CHD9: variants seen among roughly 807,000 people sequenced by gnomAD.
CHD9 encodes chromodomain helicase DNA binding protein 9, also known as ATP-dependent chromatin remodeler CHD9.
CHD9 carries 77 observed loss-of-function variants against 316.1 expected under a neutral mutation model. That is an observed-to-expected ratio of 0.24 (90% CI 0.20 to 0.29). The LOEUF is 0.29. Ranked by LOEUF, CHD9 falls within the 10% of genes least tolerant of loss-of-function variation. CHD9 has a pLI of 1.00. For missense variants in CHD9, 2,763 were observed against 3,438.1 expected (o/e 0.80, Z 4.91); for synonymous variants, 1,129 against 1,158.3 (o/e 0.97, Z 0.51).
intron 37 of CHD9, chr16:53,319,862 C>T: frequency 8.1e-7 from 1 of 1,240,456 alleles, no homozygotes; most frequent in Non-Finnish European, 1.0e-6. Flanking sequence ...TGCTAAATCC[C>T]CATAAACCCC....
At chr16:53,132,893 C>G (rs368064542) in intron 1 of CHD9, among the ~76,000 whole-genome samples, 1 of 146,744 alleles carries the variant, frequency 6.8e-6, no homozygotes, top group Non-Finnish European at 1.5e-5. Context: ...ACTGCAACCT[C>G]TTCCTCCCAG....
chr16:53,132,171 A>G (rs1339091204), intron 1 of CHD9, among the ~76,000 whole-genome samples: 2 of 151,808 alleles, frequency 1.3e-5, no homozygotes, highest in Middle Eastern at 6.3e-3. Flanking sequence ...AAAGTAGATG[A>G]GAATTTTGTT....
chr16:53,074,322 T>G (rs2034342163), intron 1 of CHD9, among the ~76,000 whole-genome samples: 1 of 152,188 alleles, frequency 6.6e-6, no homozygotes, highest in Non-Finnish European at 1.5e-5. Flanking sequence ...AGCATAAAAG[T>G]TCAGAAAATT....
At chr16:53,307,558 TGTATGCATAGCAC>T in intron 32 of CHD9, 110 bp from the exon 33 acceptor site, 1 of 767,542 alleles carries the variant, frequency 1.3e-6, no homozygotes, top group Non-Finnish European at 2.1e-6. Context: ...CACGAGAATA[TGTATGCATAGCAC>T]ATACACATAT....
chr16:53,081,078 CT>C (rs2034976496), intron 1 of CHD9, among the ~76,000 whole-genome samples: 1 of 152,184 alleles, frequency 6.6e-6, no homozygotes, highest in Non-Finnish European at 1.5e-5. Context: ...CCCCCTTTTG[CT>C]TTGAAAGAAG....
Position 53,118,179 on chromosome 16 carries a change from G to A in CHD9, c.-164-37747G>A, listed in dbSNP as rs544329004. On this transcript the variant is annotated intron_variant, in intron 1 of 38. Coordinates refer to ENST00000447540, the MANE Select transcript of CHD9 (RefSeq NM_001308319.2). ...TATTTTAAGAAATCTCCCCTTGGGA[G>A]GCGGAGGCGGGTGGATTACTTGAGG... is the stretch of plus-strand genomic sequence containing the variant. Among the ~76,000 whole-genome samples, 21 of 152,320 alleles carry A rather than the reference G, an allele frequency of 1.4e-4. No homozygotes were observed. The South Asian group carries it at 4.4e-3, about 32-fold the overall frequency.
intron 3 of CHD9, among the ~76,000 whole-genome samples, chr16:53,215,910 A>G (rs956524072): frequency 6.6e-6 from 1 of 152,224 alleles, no homozygotes; most frequent in African/African-American, 2.4e-5. Flanking sequence ...ATGAATTTAC[A>G]TTTCAAATTC....
At chr16:53,205,879 A>T (rs888459487) in intron 2 of CHD9, among the ~76,000 whole-genome samples, 1 of 152,100 alleles carries the variant, frequency 6.6e-6, no homozygotes, top group African/African-American at 2.4e-5. Flanking sequence ...TCCATTTCAA[A>T]CTCAGTATGA....
At chr16:53,162,783 C>CT (rs1204390530) in intron 2 of CHD9, among the ~76,000 whole-genome samples, 548 of 133,858 alleles carry the variant, frequency 4.1e-3, no homozygotes, top group Non-Finnish European at 5.0e-3. Flanking sequence ...ACATATAAGC[C>CT]TTTTTTTTTT....
intron 1 of CHD9, among the ~76,000 whole-genome samples, chr16:53,077,513 G>C (rs932415506): frequency 6.6e-6 from 1 of 151,594 alleles, no homozygotes; most frequent in Non-Finnish European, 1.5e-5. Context: ...ATTTTTAGTA[G>C]AGACGGGGTT....
At chr16:53,105,671 T>G (rs534891699) in intron 1 of CHD9, among the ~76,000 whole-genome samples, 5 of 152,298 alleles carry the variant, frequency 3.3e-5, no homozygotes, top group Admixed American at 2.0e-4. Flanking sequence ...TGAGACTATG[T>G]CCAGGATATC....
intron 2 of CHD9, among the ~76,000 whole-genome samples, chr16:53,201,401 C>A (rs2045441461): frequency 6.6e-6 from 1 of 152,054 alleles, no homozygotes; most frequent in Non-Finnish European, 1.5e-5. Context: ...CCACTTAGTA[C>A]CCCTATGTCT....
chr16:53,143,569 A>G (rs2040318666), intron 1 of CHD9, among the ~76,000 whole-genome samples: 1 of 151,796 alleles, frequency 6.6e-6, no homozygotes, highest in Non-Finnish European at 1.5e-5. Context: ...TTGTATTTTT[A>G]GTAGAGACAG....
At chr16:53,177,929 A>G (rs1410795441) in intron 2 of CHD9, among the ~76,000 whole-genome samples, 10 of 152,174 alleles carry the variant, frequency 6.6e-5, no homozygotes, top group Non-Finnish European at 1.5e-5. Context: ...GGCCTCATGA[A>G]TACACATGAA....
At chr16:53,201,726 A>G (rs940738516) in intron 2 of CHD9, among the ~76,000 whole-genome samples, 1 of 152,300 alleles carries the variant, frequency 6.6e-6, no homozygotes, top group Non-Finnish European at 1.5e-5. Flanking sequence ...ACTACCATCT[A>G]ATGAATATAG....
rs564492053 is a variant in CHD9 at position 53,189,811 on chromosome 16, G to A, written c.1453-19671G>A. On this transcript the variant is annotated intron_variant, in intron 2 of 38. Coordinates refer to ENST00000447540, the MANE Select transcript of CHD9 (RefSeq NM_001308319.2). ...TTTCCATGTCTTACAGGATGATAGC[G>A]GAGGTATAAATGAAGATATATTTTA... Among the ~76,000 whole-genome samples, 79 of 152,090 alleles carry A rather than the reference G, an allele frequency of 5.2e-4. 2 individuals carry two copies. In the South Asian group the frequency reaches 0.013, roughly 26 times the overall value.
chr16:53,249,097 T>C (rs62049781), intron 16 of CHD9, among the ~76,000 whole-genome samples: 47,190 of 151,948 alleles, frequency 0.31, 7,491 homozygotes, highest in Middle Eastern at 0.39. Context: ...ACAGATAAAA[T>C]TACTTATCAA....
chr16:53,081,659 T>A (rs62050294), intron 1 of CHD9, among the ~76,000 whole-genome samples: 42,633 of 151,976 alleles, frequency 0.28, 7,552 homozygotes, highest in Non-Finnish European at 0.39. Flanking sequence ...ATGATAGTGG[T>A]TCACTGCAGC....
intron 29 of CHD9, among the ~76,000 whole-genome samples, chr16:53,295,683 G>T (rs1471917967): frequency 1.3e-5 from 2 of 151,968 alleles, no homozygotes; most frequent in African/African-American, 2.4e-5. Context: ...AATGACTTGG[G>T]TTTCCCAAGC....
Sources: gnomAD v4.1 joint callset for allele counts (sites outside exome capture counted in the v4.1 genomes callset) on GRCh38, gnomAD v4.1.1 for gene constraint, MANE v1.5 for transcripts, NCBI Gene and HGNC (gene_info 2026-07-23, HGNC 2026-07-21) for gene names.